The following ROCK1 variants were observed in gnomAD, a reference collection of about 807,000 sequenced individuals.
ROCK1 encodes Rho associated coiled-coil containing protein kinase 1, also known as rho-associated protein kinase 1.
In ROCK1, 36 loss-of-function variants were observed where a neutral mutation model predicts 196.8. The ratio of observed to expected loss-of-function variants is 0.18; its 90% CI spans 0.14 to 0.24. The LOEUF (loss-of-function observed/expected upper bound fraction) is 0.24. ROCK1 is among the 10% of genes least tolerant of loss of function. The probability of loss-of-function intolerance (pLI) is 1.00; values close to 1 mark genes in which losing one functional copy is unlikely to be tolerated. For synonymous variants in ROCK1, 443 were observed against 515.9 expected, an observed-to-expected ratio of 0.86 and a Z score of 1.91; for missense variants, 920 against 1,562.0, an observed-to-expected ratio of 0.59 and a Z score of 6.93.
Position 21,103,463 on chromosome 18 carries a change from T to C in ROCK1, c.93+7355A>G, listed in dbSNP as rs1380101319. Among the ~76,000 whole-genome samples, 4 of 151,786 alleles carry C rather than the reference T, an allele frequency of 2.6e-5. No homozygotes were observed. The East Asian group carries it at 7.7e-4, about 29-fold the overall frequency. ...TTTTGTTTAATAAATTTTATTTTATTATTTTTTTTTTTTGAGACAGAGTCT... is the reference window on the plus strand; with the variant it reads ...TTTTGTTTAATAAATTTTATTTTATCATTTTTTTTTTTTGAGACAGAGTCT... On this transcript the variant is annotated intron_variant, in intron 1 of 32. Coordinates refer to ENST00000399799, the MANE Select transcript of ROCK1 (RefSeq NM_005406.3).
intron 2 of ROCK1, among the ~76,000 whole-genome samples, chr18:21,052,730 A>G (rs1346291459): frequency 6.6e-6 from 1 of 151,954 alleles, no homozygotes; most frequent in African/African-American, 2.4e-5. Context: ...ATTCCTTATG[A>G]GAATCTTTTT....
intron 1 of ROCK1, among the ~76,000 whole-genome samples, chr18:21,091,796 C>T (rs2143586017): frequency 6.6e-6 from 1 of 151,898 alleles, no homozygotes. Flanking sequence ...CGTGGTGAAA[C>T]CCGTCTCTAC....
rs1262969779 is a variant in ROCK1 at position 20,948,461 on chromosome 18, TTC to T, written c.*2921_*2922del. The T allele has an allele frequency of 7.3e-5, 11 of 150,818 alleles. 1 individual carries two copies. The highest frequency in any genetic ancestry group is 1.3e-4 in the Non-Finnish European group (9 of 68,016). The allele number at this position is 150,818 out of a possible 1,614,324, so 9.3% of individuals were successfully genotyped here. ...AGTAACTATGAGTTTGTCATTTAAG[TTC>T]TTTTACTTATTTTTTTTACTTTAAA... is the stretch of plus-strand genomic sequence containing the variant. On this transcript the variant is annotated 3_prime_UTR_variant, in exon 33 of 33. Transcript: ENST00000399799.
chr18:21,108,854 T>C (rs1297734994), intron 1 of ROCK1, among the ~76,000 whole-genome samples: 1 of 152,210 alleles, frequency 6.6e-6, no homozygotes, highest in African/African-American at 2.4e-5. Context: ...GTCTTATTTA[T>C]AAATATTTAA....
At chr18:21,021,340 A>T (rs2035911375) in intron 11 of ROCK1, among the ~76,000 whole-genome samples, 1 of 152,180 alleles carries the variant, frequency 6.6e-6, no homozygotes, top group East Asian at 1.9e-4. Context: ...CTACAGAGAA[A>T]GAGCAGAGAG....
At chr18:20,958,919 T>A (rs1429362002) in intron 29 of ROCK1, among the ~76,000 whole-genome samples, 1 of 101,466 alleles carries the variant, frequency 9.9e-6, no homozygotes, top group African/African-American at 3.8e-5. Flanking sequence ...ATTTTATATA[T>A]TTTATATATA....
intron 1 of ROCK1, among the ~76,000 whole-genome samples, chr18:21,093,663 T>C (rs78295802): frequency 0.01 from 1,567 of 152,170 alleles, 31 homozygotes; most frequent in African/African-American, 0.036. Flanking sequence ...CACAATTAAT[T>C]AGTCAAGGAG....
At chr18:21,109,123 T>C (rs1370316765) in intron 1 of ROCK1, among the ~76,000 whole-genome samples, 8 of 152,228 alleles carry the variant, frequency 5.3e-5, no homozygotes, top group Non-Finnish European at 1.0e-4. Context: ...TCCAAGAACA[T>C]ACATTATCTA....
At chr18:21,068,836 A>G (rs528896269) in intron 2 of ROCK1, among the ~76,000 whole-genome samples, 26 of 152,192 alleles carry the variant, frequency 1.7e-4, no homozygotes, top group Non-Finnish European at 3.2e-4. Flanking sequence ...ACCTTGCTGA[A>G]TGTACTTATT....
chr18:21,003,730 C>A (rs2035746075), intron 16 of ROCK1, among the ~76,000 whole-genome samples: 1 of 152,000 alleles, frequency 6.6e-6, no homozygotes, highest in South Asian at 2.1e-4. Flanking sequence ...GTTAGGCATC[C>A]TTAATTGGAA....
intron 13 of ROCK1, among the ~76,000 whole-genome samples, chr18:21,014,470 A>T (rs932263858): frequency 6.6e-6 from 1 of 152,226 alleles, no homozygotes; most frequent in Admixed American, 6.5e-5. Flanking sequence ...AAGTGAGACT[A>T]TTTTAATTTC....
intron 13 of ROCK1, among the ~76,000 whole-genome samples, chr18:21,011,244 CCTGT>C (rs2035814570): frequency 6.6e-6 from 1 of 151,698 alleles, no homozygotes; most frequent in Non-Finnish European, 1.5e-5. Flanking sequence ...CATTTTCTTT[CCTGT>C]CTTTCTGTGG....
In ROCK1 at chr18:20,947,695, C is replaced by A. The variant is rs529991518; in HGVS notation, c.*3689G>T. On this transcript the variant is annotated 3_prime_UTR_variant, in exon 33 of 33. Transcript: ENST00000399799. ...TAACCTAATGATCAACTTTAAAAAT[C>A]ATTTGTTTATTTAAAAAAACCATTT... 2.4e-4 allele frequency: 36 copies of A among 151,480 alleles called. No individual in the cohort carries two copies. The highest frequency in any genetic ancestry group is 8.7e-4 in the African/African-American group (36 of 41,402). 9.4% of individuals were successfully genotyped at this position (151,480 alleles called of 1,614,324 possible).
chr18:21,077,099 G>A (rs1308397333), intron 1 of ROCK1, among the ~76,000 whole-genome samples: 11 of 149,526 alleles, frequency 7.4e-5, no homozygotes, highest in Admixed American at 1.3e-4. Context: ...TCAGCCTCCC[G>A]AGTAGCTGGG....
At chr18:21,019,613 G>A (rs1200708801) in intron 12 of ROCK1, among the ~76,000 whole-genome samples, 1 of 151,594 alleles carries the variant, frequency 6.6e-6, no homozygotes, top group Non-Finnish European at 1.5e-5. Flanking sequence ...CTAACACTGT[G>A]AAACCCCGTC....
chr18:21,070,572 G>A lies in ROCK1; in HGVS notation c.135C>T (p.Ala45=). The change falls in exon 2 of 33, where the codon GCC becomes GCT. Residue 45 remains alanine, a synonymous_variant. Coordinates refer to ENST00000399799, the MANE Select transcript of ROCK1 (RefSeq NM_005406.3). ...DALVYDLDFP[A]LRKNKNIDNF... Reference sequence around the variant, plus strand: ...TGTCAATATTTTTGTTTTTTCTTAAGGCAGGAAAATCCAAATCATATACCA... The same window carrying A: ...TGTCAATATTTTTGTTTTTTCTTAAAGCAGGAAAATCCAAATCATATACCA... 6.2e-7 allele frequency: 1 copy of A among 1,604,582 alleles called. No individual in the cohort carries two copies. Among genetic ancestry groups the A allele is most frequent in the East Asian group, 2.2e-5 (1 of 44,466 alleles).
At chr18:21,106,613 C>A (rs1433768452) in intron 1 of ROCK1, among the ~76,000 whole-genome samples, 2 of 151,954 alleles carry the variant, frequency 1.3e-5, no homozygotes, top group African/African-American at 4.8e-5. Flanking sequence ...TAAGGAAGTC[C>A]GGAAAAGAGA....
chr18:21,030,163 T>C (rs2035993896), intron 9 of ROCK1, among the ~76,000 whole-genome samples: 1 of 152,222 alleles, frequency 6.6e-6, no homozygotes, highest in South Asian at 2.1e-4. Flanking sequence ...GCCAGCTTTC[T>C]AATATTTGTA....
At chr18:20,969,391 C>G in intron 23 of ROCK1, 183 bp from the exon 24 acceptor site, 2 of 478,478 alleles carry the variant, frequency 4.2e-6, no homozygotes, top group Non-Finnish European at 7.3e-6. Flanking sequence ...TTAACAGCAT[C>G]CAAAAATTAT....
Sources: allele counts gnomAD v4.1 joint callset (sites outside exome capture counted in the v4.1 genomes callset), GRCh38; gene constraint gnomAD v4.1.1; transcripts MANE v1.5; gene names NCBI Gene and HGNC (gene_info 2026-07-23, HGNC 2026-07-21).